CEP128: variants seen among roughly 807,000 people sequenced by gnomAD.
CEP128 encodes centrosomal protein 128, also known as centrosomal protein 128kDa.
CEP128 carries 132 observed loss-of-function variants against 156.7 expected under a neutral mutation model. The observed-to-expected ratio is 0.84, with a 90% CI of 0.73 to 0.97. The LOEUF (loss-of-function observed/expected upper bound fraction) is 0.97. Among genes scored for constraint, CEP128 ranks in the 50% least tolerant of loss-of-function variants. CEP128 has a pLI of 0.00. For missense variants in CEP128, 1,252 were observed against 1,281.9 expected (o/e 0.98, Z 0.36); for synonymous variants, 469 against 448.9 (o/e 1.04, Z -0.57).
intron 19 of CEP128, among the ~76,000 whole-genome samples, chr14:80,647,011 A>ATATATATATATATATATATATATATG (rs1233103116): frequency 2.8e-5 from 2 of 72,524 alleles, no homozygotes; most frequent in Admixed American, 2.0e-4. Flanking sequence ...ATATATATAT[A>ATATATATATATATATATATATATATG]TGTGTGTGTA....
chr14:80,928,116 A>C (rs1885250347), intron 2 of CEP128, among the ~76,000 whole-genome samples: 1 of 152,234 alleles, frequency 6.6e-6, no homozygotes, highest in African/African-American at 2.4e-5. Context: ...AGCGGGGAGA[A>C]GAAAGTTTTT....
intron 9 of CEP128, among the ~76,000 whole-genome samples, chr14:80,842,428 G>C (rs527783132): frequency 1.3e-4 from 20 of 151,828 alleles, no homozygotes; most frequent in African/African-American, 4.8e-4. Flanking sequence ...CTAGAATATT[G>C]AACCAGTTTT....
intron 14 of CEP128, among the ~76,000 whole-genome samples, chr14:80,790,656 T>C (rs1901656943): frequency 6.6e-6 from 1 of 152,074 alleles, no homozygotes; most frequent in African/African-American, 2.4e-5. Flanking sequence ...ATATGATATA[T>C]ATCTGATAAC....
At chr14:80,887,185 T>A (rs1161302329) in intron 8 of CEP128, among the ~76,000 whole-genome samples, 1 of 152,188 alleles carries the variant, frequency 6.6e-6, no homozygotes, top group Non-Finnish European at 1.5e-5. Context: ...AGTGGGAGAC[T>A]TTAACATCCC....
At chr14:80,731,300 T>A (rs1387229778) in intron 19 of CEP128, among the ~76,000 whole-genome samples, 1 of 152,186 alleles carries the variant, frequency 6.6e-6, no homozygotes, top group Non-Finnish European at 1.5e-5. Context: ...TGCCTGTCAA[T>A]CCTGGAGAAA....
intron 21 of CEP128, among the ~76,000 whole-genome samples, chr14:80,534,541 C>A (rs1276652835): frequency 6.6e-6 from 1 of 152,152 alleles, no homozygotes; most frequent in African/African-American, 2.4e-5. Flanking sequence ...GTTAAGGGAG[C>A]AGGGCCGGAC....
chr14:80,507,326 G>A (rs1458533845), intron 23 of CEP128, among the ~76,000 whole-genome samples: 1 of 152,118 alleles, frequency 6.6e-6, no homozygotes, highest in South Asian at 2.1e-4. Flanking sequence ...TAAGAAACTC[G>A]AAGTCATTCA....
At chr14:80,485,656 G>C (rs1212485575), downstream of CEP128, among the ~76,000 whole-genome samples, 2 of 152,086 alleles carry the variant, frequency 1.3e-5, no homozygotes, top group African/African-American at 4.8e-5. Flanking sequence ...GACTTTTTTA[G>C]CCAATTAAAT....
chr14:80,530,568 A>G (rs1167432546), intron 22 of CEP128, among the ~76,000 whole-genome samples: 2 of 152,200 alleles, frequency 1.3e-5, no homozygotes, highest in Admixed American at 6.5e-5. Flanking sequence ...TAGGGGCCCA[A>G]CTGAGCTTCT....
Position 80,647,069 on chromosome 14 carries a change from A to G in CEP128, c.2807-66646T>C, listed in dbSNP as rs1442651426. On this transcript the variant is annotated intron_variant, in intron 19 of 24. Coordinates refer to ENST00000555265, the MANE Select transcript of CEP128 (RefSeq NM_152446.5). ...TATATATATATATATATATATATAT[A>G]TATATATATATATATATACACCCTT... Among the ~76,000 whole-genome samples, 165 of 52,560 alleles carry G rather than the reference A, an allele frequency of 3.1e-3. 8 individuals are homozygous for G. The highest frequency in any genetic ancestry group is 8.1e-3 in the African/African-American group (145 of 17,856). 34.5% of individuals were successfully genotyped at this position (52,560 alleles called of 152,430 possible). A position where few individuals can be genotyped will look rare whatever the true frequency, so the allele number is the denominator to read the frequency against.
chr14:80,719,733 C>CA (rs34340427), intron 19 of CEP128, among the ~76,000 whole-genome samples: 2,339 of 152,150 alleles, frequency 0.015, 31 homozygotes, highest in Non-Finnish European at 0.025. Flanking sequence ...GAATATGAAA[C>CA]AGAGAAGTGA....
At chr14:80,484,043 C>T (rs1419335546) in intron 14 of CEP128, among the ~76,000 whole-genome samples, 1 of 152,060 alleles carries the variant, frequency 6.6e-6, no homozygotes, top group African/African-American at 2.4e-5. Context: ...GTGGCACAAT[C>T]ACAGCTCACT....
intron 8 of CEP128, among the ~76,000 whole-genome samples, chr14:80,890,758 T>C (rs139922434): frequency 2.4e-4 from 37 of 152,236 alleles, no homozygotes; most frequent in African/African-American, 7.5e-4. Context: ...CAAACCTGCA[T>C]GTTCTGCACA....
chr14:80,541,978 G>A (rs1007116483), intron 21 of CEP128, among the ~76,000 whole-genome samples: 4 of 132,768 alleles, frequency 3.0e-5, no homozygotes, highest in Non-Finnish European at 5.0e-5. Context: ...ATTTTGCAGA[G>A]TTGTTGTAAG....
intron 21 of CEP128, among the ~76,000 whole-genome samples, chr14:80,540,310 C>G (rs1243911972): frequency 1.3e-5 from 2 of 151,328 alleles, no homozygotes; most frequent in Non-Finnish European, 2.9e-5. Context: ...TAAAATTTCT[C>G]TCTTTGTACT....
chr14:80,638,814 T>C (rs886077155), intron 19 of CEP128, among the ~76,000 whole-genome samples: 11 of 152,180 alleles, frequency 7.2e-5, no homozygotes, highest in African/African-American at 2.4e-4. Context: ...TGGTAGCTCC[T>C]AACATTTCAA....
At position 80,810,323 on chromosome 14, in the gene CEP128, C is replaced by CAAAAAA. The variant is rs71103883; in HGVS notation, c.1210-17219_1210-17214dup. Among the ~76,000 whole-genome samples, 113 of 15,202 alleles carry CAAAAAA rather than the reference C, an allele frequency of 7.4e-3. 12 individuals carry two copies. Among genetic ancestry groups the CAAAAAA allele is most frequent in the Non-Finnish European group, 0.011 (85 of 7,598 alleles). The allele number at this position is 15,202 out of a possible 152,430, so 10.0% of individuals were successfully genotyped here. The stretch of plus-strand genomic sequence containing the variant: ...GGGCGACAGAGCAAGACTCCATCTC[C>CAAAAAA]AAAAAAAAAAAAAAAAAAAAAAAAA... On this transcript the variant is annotated intron_variant, in intron 13 of 24. Transcript: ENST00000555265.
At chr14:80,600,552 T>G (rs1202485090) in intron 19 of CEP128, among the ~76,000 whole-genome samples, 1 of 152,128 alleles carries the variant, frequency 6.6e-6, no homozygotes, top group East Asian at 1.9e-4. Flanking sequence ...ACAGAGATAT[T>G]AACACATTCC....
intron 5 of CEP128, 122 bp downstream of exon 5, chr14:80,905,833 C>A: frequency 1.2e-6 from 1 of 851,484 alleles, no homozygotes; most frequent in Non-Finnish European, 1.8e-6. Context: ...TTGACAACTA[C>A]ATGTACTATC....
Sources: gnomAD v4.1 joint callset for allele counts (sites outside exome capture counted in the v4.1 genomes callset) on GRCh38, gnomAD v4.1.1 for gene constraint, MANE v1.5 for transcripts, NCBI Gene and HGNC (gene_info 2026-07-23, HGNC 2026-07-21) for gene names.